TMEM71: variants seen among roughly 807,000 people sequenced by gnomAD.
TMEM71 encodes transmembrane protein 71.
Under a neutral mutation model 38.0 loss-of-function variants are expected in TMEM71, and 44 were observed. The observed-to-expected ratio is 1.16, with a 90% confidence interval of 0.91 to 1.49. The LOEUF is 1.49. Among genes scored for constraint, TMEM71 ranks in the 40% most tolerant of loss-of-function variants. The pLI is 0.00. For missense variants in TMEM71, 367 were observed against 348.6 expected (o/e 1.05, Z -0.42); for synonymous variants, 133 against 122.5 (o/e 1.09, Z -0.56).
chr8:132,764,815 C>T (rs1274592569), upstream of TMEM71, among the ~76,000 whole-genome samples: 1 of 152,222 alleles, frequency 6.6e-6, no homozygotes, highest in East Asian at 1.9e-4. Flanking sequence ...GTTGGTTCCT[C>T]CTGCTACACT....
At chr8:132,717,037 G>A (rs958874594) in intron 7 of TMEM71, among the ~76,000 whole-genome samples, 7 of 152,164 alleles carry the variant, frequency 4.6e-5, no homozygotes, top group Non-Finnish European at 8.8e-5. Flanking sequence ...TACACTATAC[G>A]CAAAAGAATG....
At position 132,744,045 on chromosome 8, in the gene TMEM71, A is replaced by G. The variant is rs1011582088; in HGVS notation, c.487+2897T>C. Among the ~76,000 whole-genome samples, 4 of 152,098 alleles carry G rather than the reference A, an allele frequency of 2.6e-5. No individual in the cohort carries two copies. In the East Asian group the frequency reaches 7.7e-4, roughly 29 times the overall value. On this transcript the variant is annotated intron_variant, in intron 5 of 9. Transcript: ENST00000677595. ...ATAATTTTTTTTCATGGCACCTACC[A>G]CAATCATTATGTCATGTTTGTGTAC...
intron 7 of TMEM71, among the ~76,000 whole-genome samples, chr8:132,718,435 T>C (rs1264359991): frequency 6.9e-6 from 1 of 145,784 alleles, no homozygotes; most frequent in Non-Finnish European, 1.5e-5. Flanking sequence ...TCTCGCTCTG[T>C]TGCCCAGCCT....
At chr8:132,757,192 G>C in intron 3 of TMEM71, 42 bp downstream of exon 3, 1 of 1,497,216 alleles carries the variant, frequency 6.7e-7, no homozygotes, top group Non-Finnish European at 9.2e-7. Flanking sequence ...CACCACGCCC[G>C]GCCAGAATGA....
At chr8:132,764,620 C>A (rs1244401103), upstream of TMEM71, among the ~76,000 whole-genome samples, 1 of 152,188 alleles carries the variant, frequency 6.6e-6, no homozygotes, top group Non-Finnish European at 1.5e-5. Context: ...GCTTCTCTAG[C>A]TTTGCTCCAC....
chr8:132,739,388 T>G (rs1185579585), intron 5 of TMEM71, among the ~76,000 whole-genome samples: 2 of 152,174 alleles, frequency 1.3e-5, no homozygotes. Context: ...CTCCGCTCAC[T>G]GCAAGCTCCG....
the TMEM71 span, among the ~76,000 whole-genome samples, chr8:132,766,554 T>A: frequency 5.3e-5 from 8 of 152,048 alleles, no homozygotes; most frequent in Non-Finnish European, 8.8e-5. Context: ...AATCCCAGCA[T>A]CTTGGGAGGC....
At chr8:132,725,561 A>G (rs1394200226) in intron 6 of TMEM71, among the ~76,000 whole-genome samples, 1 of 152,216 alleles carries the variant, frequency 6.6e-6, no homozygotes, top group Non-Finnish European at 1.5e-5. Context: ...TCTTCAACTG[A>G]TACAACTGAT....
chr8:132,766,334 A>C, the TMEM71 span, among the ~76,000 whole-genome samples: 23 of 148,020 alleles, frequency 1.6e-4, no homozygotes, highest in East Asian at 1.6e-3. Flanking sequence ...AGGATAGGGA[A>C]GTACACACCT....
rs532303591 is a variant in TMEM71 at position 132,722,100 on chromosome 8, T to C, written c.692A>G (p.Gln231Arg). 3.7e-6 allele frequency: 6 copies of C among 1,613,468 alleles called. No individual in the cohort carries two copies. In the African/African-American group the frequency reaches 5.3e-5, roughly 14 times the overall value. Residue 231 changes from glutamine (Q) to arginine (R), a missense_variant, in exon 7 of 10, where the codon CAA (glutamine) becomes CGA (arginine). By Grantham distance (43) the Gln-to-Arg change is conservative (BLOSUM62 1). Transcript: ENST00000677595. ...CAGGATTGCCTGAAAGAAGACCTCT[T>C]GCAACAACCTGGTTTCTAATAGGAA... ...SSDHSETRLL[Q>R]EVFFQAILLA...
At chr8:132,754,587 A>T (rs886600347) in intron 3 of TMEM71, among the ~76,000 whole-genome samples, 26 of 152,332 alleles carry the variant, frequency 1.7e-4, no homozygotes, top group African/African-American at 6.0e-4. Context: ...GATTTCTATA[A>T]ATATTTAATG....
At chr8:132,735,472 T>G (rs1586794717) in intron 5 of TMEM71, among the ~76,000 whole-genome samples, 1 of 152,196 alleles carries the variant, frequency 6.6e-6, no homozygotes, top group African/African-American at 2.4e-5. Flanking sequence ...TGGGTAAATC[T>G]GGAAAGCAAG....
At chr8:132,720,657 C>A (rs193083858) in intron 7 of TMEM71, among the ~76,000 whole-genome samples, 8 of 152,272 alleles carry the variant, frequency 5.3e-5, no homozygotes, top group Non-Finnish European at 2.9e-5. Context: ...CTCAGTAAAT[C>A]TTAATTAGAA....
intron 6 of TMEM71, among the ~76,000 whole-genome samples, chr8:132,722,973 T>C (rs1242051686): frequency 2.0e-5 from 3 of 152,216 alleles, no homozygotes; most frequent in African/African-American, 7.2e-5. Context: ...AGACCTCAAC[T>C]TAATTTTTGC....
At chr8:132,773,735 T>C in the TMEM71 span, among the ~76,000 whole-genome samples, 23,424 of 152,062 alleles carry the variant, frequency 0.15, 1,921 homozygotes, top group East Asian at 0.32. Flanking sequence ...AGAGTTTTAC[T>C]TGAGGCTAGA....
At chr8:132,755,430 A>G (rs2131197795) in intron 3 of TMEM71, among the ~76,000 whole-genome samples, 1 of 152,198 alleles carries the variant, frequency 6.6e-6, no homozygotes, top group South Asian at 2.1e-4. Context: ...GTCCTTTCCA[A>G]TTGGTTTCTA....
the TMEM71 span, among the ~76,000 whole-genome samples, chr8:132,773,762 A>G: frequency 6.6e-6 from 1 of 152,156 alleles, no homozygotes; most frequent in Admixed American, 6.5e-5. Flanking sequence ...GCTGCAAGGG[A>G]GACTGGAAAC....
chr8:132,737,085 G>T (rs955654875), intron 5 of TMEM71, among the ~76,000 whole-genome samples: 1 of 152,164 alleles, frequency 6.6e-6, no homozygotes, highest in Admixed American at 6.5e-5. Context: ...AATATTGGTC[G>T]TCAGGGGCTG....
In TMEM71 at chr8:132,746,946, T is replaced by G. The variant is rs1828422780; in HGVS notation, c.483A>C (p.Gly161=). 6.3e-7 allele frequency: 1 copy of G among 1,587,768 alleles called. No individual in the cohort carries two copies. The highest frequency in any genetic ancestry group is 1.4e-5 in the African/African-American group (1 of 73,536). The part of the protein sequence containing the change: ...TRRLDTDHCN[G]NADDLDCSSL... Reference sequence around the variant, plus strand: ...GAAAGGAGGACTCAAACTCACCATTTCCATTGCAATGGTCTGTGTCCAACC... The same window carrying G: ...GAAAGGAGGACTCAAACTCACCATTGCCATTGCAATGGTCTGTGTCCAACC... Residue 161 remains glycine, a synonymous_variant, in exon 5 of 10, where the codon GGA becomes GGC. Coordinates refer to ENST00000677595, the MANE Select transcript of TMEM71 (RefSeq NM_001382403.1).
Sources: allele counts gnomAD v4.1 joint callset (sites outside exome capture counted in the v4.1 genomes callset), GRCh38; gene constraint gnomAD v4.1.1; transcripts MANE v1.5; gene names NCBI Gene and HGNC (gene_info 2026-07-23, HGNC 2026-07-21).